ATP8B1: variants seen among roughly 807,000 people sequenced by gnomAD.
ATP8B1 encodes ATPase phospholipid transporting 8B1.
A neutral mutation model predicts 149.9 loss-of-function variants in ATP8B1; 80 were observed. That is an observed-to-expected ratio of 0.53 (90% CI 0.45 to 0.64). ATP8B1 has a LOEUF of 0.64. Ranked by LOEUF, ATP8B1 falls within the 30% of genes least tolerant of loss-of-function variation. The probability of loss-of-function intolerance (pLI) is 0.00; values close to 1 mark genes in which losing one functional copy is unlikely to be tolerated. For synonymous variants in ATP8B1, 536 were observed against 562.8 expected (o/e 0.95, Z 0.67); for missense variants, 1,247 against 1,552.6 (o/e 0.80, Z 3.31).
chr18:57,707,646 T>C (rs1365267205), intron 2 of ATP8B1, among the ~76,000 whole-genome samples: 1 of 151,330 alleles, frequency 6.6e-6, no homozygotes. Context: ...GTAGCTGGGA[T>C]TACAGGTGCC....
rs543858152 is a variant in ATP8B1, at chr18:57,648,648, C to A, written c.3596G>T (p.Arg1199Leu). 1.3e-6 allele frequency: 2 copies of A among 1,591,616 alleles called. No individual in the cohort carries two copies. The highest frequency in any genetic ancestry group is 1.3e-5 in the African/African-American group (1 of 74,488). ...CGAGCGCCGCGTTGACACGCCCCGG[C>A]GGAACACCTGCTGCCGTCGCTGCCA... ...EQWQRRQQVF[R>L]RGVSTRRSAY... The change falls in exon 28 of 28, where the codon CGC becomes CTC. Residue 1199 changes from arginine (R) to leucine (L), a missense_variant. Physicochemically the swap from Arg to Leu is moderately radical, Grantham distance 102. This residue lies in a region of ATP8B1 where 164 missense variants were observed against 160.3 expected (regional missense o/e 1.02). Coordinates refer to ENST00000648908, the MANE Select transcript of ATP8B1 (RefSeq NM_001374385.1).
At chr18:57,662,388 T>C (rs1302220869) in intron 21 of ATP8B1, 95 bp downstream of exon 21, 3 of 1,493,200 alleles carry the variant, frequency 2.0e-6, no homozygotes, top group African/African-American at 1.4e-5. Flanking sequence ...AAGAGACTTT[T>C]AGGTTGGCAG....
chr18:57,692,079 T>A lies in ATP8B1; in HGVS notation c.1030-82A>T, dbSNP rs76689682. On this transcript the variant is annotated intron_variant, in intron 11 of 27. Coordinates refer to ENST00000648908, the MANE Select transcript of ATP8B1 (RefSeq NM_001374385.1). ...TTTCCTAGATGCTAATTAACCTTAC[T>A]CAATACTTCATATGATTGAGAATTT... The A allele has an allele frequency of 6.3e-5, 97 of 1,544,530 alleles. No homozygotes were observed. The East Asian group carries it at 1.8e-3, about 28-fold the overall frequency.
intron 2 of ATP8B1, among the ~76,000 whole-genome samples, chr18:57,712,754 A>T (rs1224918734): frequency 6.6e-6 from 1 of 151,526 alleles, no homozygotes; most frequent in African/African-American, 2.4e-5. Context: ...GCTTGAGGAG[A>T]TGAGAGGGAG....
At chr18:57,664,096 G>A (rs1262649051) in intron 20 of ATP8B1, among the ~76,000 whole-genome samples, 1 of 139,740 alleles carries the variant, frequency 7.2e-6, no homozygotes, top group Non-Finnish European at 1.5e-5. Context: ...TTAACTGAGC[G>A]ACATGTAATT....
At chr18:57,711,940 G>A (rs1441899511) in intron 2 of ATP8B1, among the ~76,000 whole-genome samples, 1 of 151,864 alleles carries the variant, frequency 6.6e-6, no homozygotes, top group South Asian at 2.1e-4. Flanking sequence ...GACAGGAGAG[G>A]CAGGAAGGAA....
At chr18:57,694,541 G>A (rs758155250) in intron 11 of ATP8B1, 41 bp downstream of exon 11, 4 of 1,296,930 alleles carry the variant, frequency 3.1e-6, no homozygotes, top group South Asian at 2.4e-5. Context: ...GCAAAAGACA[G>A]CAATCTAGAT....
intron 1 of ATP8B1, among the ~76,000 whole-genome samples, chr18:57,787,875 T>C (rs536679917): frequency 6.6e-5 from 10 of 152,278 alleles, no homozygotes; most frequent in Non-Finnish European, 1.3e-4. Context: ...TAGTATCCAT[T>C]GTGTAGACAT....
At chr18:57,733,704 T>G (rs2079814708) in intron 1 of ATP8B1, among the ~76,000 whole-genome samples, 1 of 9,302 alleles carries the variant, frequency 1.1e-4, no homozygotes, top group African/African-American at 3.6e-4. Flanking sequence ...AGACTCCATC[T>G]CAAAAAAAAA....
In ATP8B1 at chr18:57,652,736, G is replaced by A; in HGVS notation, c.3016-7C>T. 6.2e-7 allele frequency: 1 copy of A among 1,614,054 alleles called. No homozygotes were observed. On this transcript the variant is annotated splice_region_variant and splice_polypyrimidine_tract_variant and intron_variant, in intron 24 of 27. Transcript: ENST00000648908. ...TCAGTTTGTCACTCACATCCTTAAGGAGAAAACAAAATGATGGTATTTTAT... is the reference window on the plus strand; with the variant it reads ...TCAGTTTGTCACTCACATCCTTAAGAAGAAAACAAAATGATGGTATTTTAT...
At chr18:57,669,019 T>TAC (rs1259871163) in intron 18 of ATP8B1, 2 of 243,090 alleles carry the variant, frequency 8.2e-6, no homozygotes, top group Non-Finnish European at 1.6e-5. Context: ...TAATAAGTAT[T>TAC]AGATGCAGGT....
In ATP8B1 at chr18:57,672,928, A is replaced by G. The variant is rs1568189390; in HGVS notation, c.1820-1348T>C. Among the ~76,000 whole-genome samples, 15 of 42,150 alleles carry G rather than the reference A, an allele frequency of 3.6e-4. 2 individuals carry two copies. The East Asian group carries it at 6.2e-3, about 17-fold the overall frequency. 27.7% of individuals were successfully genotyped at this position (42,150 alleles called of 152,430 possible). On this transcript the variant is annotated intron_variant, in intron 16 of 27. Coordinates refer to ENST00000648908, the MANE Select transcript of ATP8B1 (RefSeq NM_001374385.1). ...TATATATATATATATATATATATAT[A>G]TATAACATGTATATACACATATATA...
intron 12 of ATP8B1, among the ~76,000 whole-genome samples, chr18:57,689,726 C>G (rs1290045131): frequency 6.6e-6 from 1 of 152,014 alleles, no homozygotes; most frequent in Non-Finnish European, 1.5e-5. Flanking sequence ...TGCAGAAAAT[C>G]AAAGCAGGGG....
chr18:57,712,276 C>A (rs369550396), intron 2 of ATP8B1, among the ~76,000 whole-genome samples: 1 of 152,010 alleles, frequency 6.6e-6, no homozygotes, highest in Non-Finnish European at 1.5e-5. Context: ...ATTGCCAATG[C>A]CACCCCTCCC....
chr18:57,731,023 G>A (rs1033773344), intron 2 of ATP8B1, among the ~76,000 whole-genome samples: 2 of 152,070 alleles, frequency 1.3e-5, no homozygotes, highest in South Asian at 2.1e-4. Flanking sequence ...GCTACGCATC[G>A]TAGCTCATGC....
At chr18:57,742,115 C>T (rs547629063) in intron 1 of ATP8B1, among the ~76,000 whole-genome samples, 9 of 152,260 alleles carry the variant, frequency 5.9e-5, no homozygotes, top group Admixed American at 5.9e-4. Flanking sequence ...AGTGATCCAC[C>T]CACCTCGGCC....
At chr18:57,651,446 T>C (rs1459114392) in intron 26 of ATP8B1, among the ~76,000 whole-genome samples, 7 of 152,094 alleles carry the variant, frequency 4.6e-5, no homozygotes, top group Non-Finnish European at 7.4e-5. Context: ...TAGGCTTTTA[T>C]CCAGCCTTTT....
chr18:57,787,022 T>C (rs1423236485), intron 1 of ATP8B1, among the ~76,000 whole-genome samples: 2 of 152,180 alleles, frequency 1.3e-5, no homozygotes, highest in African/African-American at 4.8e-5. Flanking sequence ...TTACAAAGAC[T>C]GCCAGACAGG....
intron 1 of ATP8B1, among the ~76,000 whole-genome samples, chr18:57,742,307 G>A (rs1273009140): frequency 7.2e-5 from 11 of 152,260 alleles, no homozygotes; most frequent in South Asian, 2.1e-4. Context: ...TAGAAACAGC[G>A]TAATTACAGT....
Sources: gnomAD v4.1 joint callset for allele counts (sites outside exome capture counted in the v4.1 genomes callset) on GRCh38, gnomAD v4.1.1 for gene constraint, gnomAD v4.1.1 regional missense constraint, MANE v1.5 for transcripts, NCBI Gene and HGNC (gene_info 2026-07-23, HGNC 2026-07-21) for gene names.